The following AFF3 variants were observed in gnomAD, a reference collection of about 807,000 sequenced individuals.
AFF3 encodes the protein ALF transcription elongation factor 3, also known as AF4/FMR2 family member 3.
Under a neutral mutation model 129.7 loss-of-function variants are expected in AFF3, and 32 were observed. The ratio of observed to expected loss-of-function variants is 0.25; its 90% CI spans 0.19 to 0.33. The LOEUF is 0.33. Ranked by LOEUF, AFF3 falls within the 10% of genes least tolerant of loss-of-function variation. The pLI is 1.00. For synonymous variants in AFF3, 644 were observed against 635.4 expected (o/e 1.01, Z -0.20); for missense variants, 1,373 against 1,592.0 (o/e 0.86, Z 2.34).
chr2:99,898,408 G>T (rs1290204923), intron 7 of AFF3, among the ~76,000 whole-genome samples: 2 of 152,136 alleles, frequency 1.3e-5, no homozygotes, highest in African/African-American at 4.8e-5. Context: ...CCATCTCGCA[G>T]CCACATCCTT....
intron 8 of AFF3, among the ~76,000 whole-genome samples, chr2:99,790,237 G>C (rs1041619889): frequency 6.6e-6 from 1 of 152,238 alleles, no homozygotes; most frequent in African/African-American, 2.4e-5. Context: ...AGCCCATACA[G>C]TAAGTGCTAT....
intron 8 of AFF3, among the ~76,000 whole-genome samples, chr2:99,780,702 T>C (rs771861153): frequency 6.6e-6 from 1 of 152,182 alleles, no homozygotes; most frequent in African/African-American, 2.4e-5. Flanking sequence ...CATTCTTCCA[T>C]TTGTTCAGAT....
chr2:100,043,666 G>C (rs1685611496), intron 4 of AFF3, among the ~76,000 whole-genome samples: 1 of 152,050 alleles, frequency 6.6e-6, no homozygotes, highest in South Asian at 2.1e-4. Flanking sequence ...ATATAACAAA[G>C]AGCAATTGTT....
At chr2:99,759,671 C>A (rs1682416237) in intron 8 of AFF3, among the ~76,000 whole-genome samples, 1 of 152,110 alleles carries the variant, frequency 6.6e-6, no homozygotes, top group African/African-American at 2.4e-5. Flanking sequence ...GTAAGAATTT[C>A]CAAAACCTAA....
intron 11 of AFF3, among the ~76,000 whole-genome samples, chr2:99,700,465 G>A (rs545629480): frequency 2.0e-5 from 3 of 152,134 alleles, no homozygotes; most frequent in Non-Finnish European, 4.4e-5. Flanking sequence ...AAATTCCCAC[G>A]TTCACATTAC....
chr2:99,602,967 G>C (rs573761793), intron 13 of AFF3, among the ~76,000 whole-genome samples: 33 of 152,330 alleles, frequency 2.2e-4, no homozygotes, highest in African/African-American at 7.5e-4. Flanking sequence ...GGAACGGCAG[G>C]GTTAGGGGAA....
At chr2:99,759,477 ATAGTAAG>A (rs1682402410) in intron 8 of AFF3, among the ~76,000 whole-genome samples, 1 of 152,200 alleles carries the variant, frequency 6.6e-6, no homozygotes, top group South Asian at 2.1e-4. Context: ...AACATCTTAC[ATAGTAAG>A]TGCTCTATAT....
At chr2:100,050,780 C>T (rs1686256913) in intron 4 of AFF3, among the ~76,000 whole-genome samples, 1 of 152,192 alleles carries the variant, frequency 6.6e-6, no homozygotes, top group Admixed American at 6.5e-5. Context: ...TTCACATTTC[C>T]ACACTGCCCC....
chr2:99,709,652 T>C (rs1237865257), intron 11 of AFF3, among the ~76,000 whole-genome samples: 2 of 152,174 alleles, frequency 1.3e-5, no homozygotes, highest in Admixed American at 1.3e-4. Flanking sequence ...CAAGGTTGTG[T>C]GAAATTAGCA....
At chr2:100,014,742 G>A (rs1013514750) in intron 4 of AFF3, among the ~76,000 whole-genome samples, 3 of 150,816 alleles carry the variant, frequency 2.0e-5, no homozygotes, top group Non-Finnish European at 2.9e-5. Context: ...ATTCAGAGGC[G>A]GTTATGTTAC....
At chr2:100,078,385 A>T (rs985194653) in intron 4 of AFF3, among the ~76,000 whole-genome samples, 3 of 152,110 alleles carry the variant, frequency 2.0e-5, no homozygotes, top group Admixed American at 6.6e-5. Context: ...TTATTTATTT[A>T]TTTTTTTGAA....
chr2:99,573,260 C>A (rs112652792), intron 18 of AFF3, among the ~76,000 whole-genome samples: 3 of 140,058 alleles, frequency 2.1e-5, no homozygotes, highest in Non-Finnish European at 2.9e-5. Flanking sequence ...TACTTCATTT[C>A]TTTCTCTCTC....
chr2:99,916,965 G>C (rs1695514716), intron 7 of AFF3, among the ~76,000 whole-genome samples: 1 of 152,086 alleles, frequency 6.6e-6, no homozygotes, highest in South Asian at 2.1e-4. Flanking sequence ...CAGAATATTT[G>C]CACTTTCTGT....
intron 7 of AFF3, among the ~76,000 whole-genome samples, chr2:99,967,993 T>C (rs1291854861): frequency 1.3e-5 from 2 of 152,258 alleles, no homozygotes; most frequent in East Asian, 1.9e-4. Context: ...TGTCTCACCA[T>C]GTTCTAAAGA....
At chr2:100,068,400 A>G (rs1025231264) in intron 4 of AFF3, among the ~76,000 whole-genome samples, 7 of 152,186 alleles carry the variant, frequency 4.6e-5, no homozygotes, top group African/African-American at 7.2e-5. Flanking sequence ...TTTGTGGTTG[A>G]TATCACAGCT....
At chr2:100,038,815 C>T (rs1157209708) in intron 4 of AFF3, among the ~76,000 whole-genome samples, 4 of 151,738 alleles carry the variant, frequency 2.6e-5, no homozygotes, top group South Asian at 2.1e-4. Context: ...CCTCCGCCAC[C>T]GGGTTCAAGC....
At chr2:99,993,950 C>T (rs1388361361) in intron 7 of AFF3, among the ~76,000 whole-genome samples, 1 of 150,990 alleles carries the variant, frequency 6.6e-6, no homozygotes. Context: ...GGATTACAGG[C>T]GCCCACCACC....
intron 7 of AFF3, among the ~76,000 whole-genome samples, chr2:99,876,612 G>C (rs1023553326): frequency 2.0e-5 from 3 of 152,056 alleles, no homozygotes; most frequent in Non-Finnish European, 4.4e-5. Context: ...CTGTAAAAGA[G>C]GAATCAGATC....
chr2:99,882,071 C>G (rs1209119863), intron 7 of AFF3, among the ~76,000 whole-genome samples: 1 of 150,690 alleles, frequency 6.6e-6, no homozygotes. Context: ...CTCTCTCTCT[C>G]TCTGTCTCTC....
Sources: gnomAD v4.1 joint callset for allele counts (sites outside exome capture counted in the v4.1 genomes callset) on GRCh38, gnomAD v4.1.1 for gene constraint, MANE v1.5 for transcripts, NCBI Gene and HGNC (gene_info 2026-07-23, HGNC 2026-07-21) for gene names.